The following ZDHHC15 variants were observed in gnomAD, a reference collection of about 807,000 sequenced individuals.
The protein encoded by ZDHHC15 is palmitoyltransferase ZDHHC15.
In ZDHHC15, 19 loss-of-function variants were observed where a neutral mutation model predicts 31.7. That is an observed-to-expected ratio of 0.60 (90% CI 0.42 to 0.88). The LOEUF is 0.88. Ranked by LOEUF, ZDHHC15 falls within the 40% of genes least tolerant of loss-of-function variation. The probability of loss-of-function intolerance (pLI) is 0.00; values close to 1 mark genes in which losing one functional copy is unlikely to be tolerated. For missense variants in ZDHHC15, 209 were observed against 251.2 expected, an observed-to-expected ratio of 0.83 and a Z score of 1.14; for synonymous variants, 103 against 90.0, an observed-to-expected ratio of 1.14 and a Z score of -0.82.
At chrX:75,429,305 A>C in intron 6 of ZDHHC15, 107 bp from the exon 7 acceptor site, 1 of 974,203 alleles carries the variant, frequency 1.0e-6, no homozygotes, top group Non-Finnish European at 1.4e-6. Flanking sequence ...CTGCTTCATT[A>C]TGTGTCGTGT....
intron 1 of ZDHHC15, among the ~76,000 whole-genome samples, chrX:75,516,710 G>A (rs772482503): frequency 2.9e-4 from 33 of 112,287 alleles, no homozygotes; most frequent in Admixed American, 2.0e-3. Flanking sequence ...CAAAAGTAAT[G>A]GCAAGAAAAG....
chrX:75,492,067 T>C (rs746455175), intron 2 of ZDHHC15, among the ~76,000 whole-genome samples: 13 of 110,969 alleles, frequency 1.2e-4, no homozygotes, highest in African/African-American at 3.9e-4. Flanking sequence ...CAGAGACACA[T>C]ATAGGCTCAA....
At chrX:75,435,460 A>G (rs903951831) in intron 4 of ZDHHC15, among the ~76,000 whole-genome samples, 1 of 112,041 alleles carries the variant, frequency 8.9e-6, no homozygotes, top group Admixed American at 9.5e-5. Flanking sequence ...CCCATTCAGT[A>G]TAATTTAGCT....
intron 2 of ZDHHC15, among the ~76,000 whole-genome samples, chrX:75,500,856 C>T (rs1249578783): frequency 1.8e-5 from 2 of 109,903 alleles, no homozygotes; most frequent in African/African-American, 6.6e-5. Flanking sequence ...TACTGTAGCC[C>T]AGACGTTTTA....
chrX:75,473,773 T>TA (rs1042177792), intron 3 of ZDHHC15, among the ~76,000 whole-genome samples: 2 of 111,985 alleles, frequency 1.8e-5, no homozygotes, highest in Non-Finnish European at 3.8e-5. Flanking sequence ...CTTCTTTTCT[T>TA]AAAAACATAT....
intron 1 of ZDHHC15, among the ~76,000 whole-genome samples, chrX:75,511,398 T>A (rs1390360093): frequency 1.8e-5 from 1 of 54,653 alleles, no homozygotes; most frequent in African/African-American, 6.6e-5. Context: ...TCTGTTCATG[T>A]CCTTCGCCCA....
At chrX:75,374,487 A>C (rs998862570) in intron 11 of ZDHHC15, among the ~76,000 whole-genome samples, 2 of 109,209 alleles carry the variant, frequency 1.8e-5, no homozygotes, top group Non-Finnish European at 3.8e-5. Flanking sequence ...TGGTTCATTA[A>C]AAAAAAAATT....
chrX:75,452,790 G>A (rs1319554525), intron 3 of ZDHHC15, among the ~76,000 whole-genome samples: 1 of 110,521 alleles, frequency 9.0e-6, no homozygotes, highest in Non-Finnish European at 1.9e-5. Context: ...ATGACTACTG[G>A]ATAATGAAAT....
At chrX:75,497,772 C>T (rs1298799539) in intron 2 of ZDHHC15, among the ~76,000 whole-genome samples, 8 of 110,836 alleles carry the variant, frequency 7.2e-5, no homozygotes, top group Admixed American at 4.8e-4. Context: ...GATGAAATCC[C>T]GCATCCCTTT....
intron 4 of ZDHHC15, among the ~76,000 whole-genome samples, chrX:75,443,976 T>C (rs1295331549): frequency 2.7e-5 from 3 of 110,080 alleles, no homozygotes; most frequent in Non-Finnish European, 5.7e-5. Flanking sequence ...CAACAGGTGC[T>C]GGAGAGGATG....
chrX:75,451,244 C>CT (rs2084112176), intron 3 of ZDHHC15, among the ~76,000 whole-genome samples: 1 of 111,763 alleles, frequency 8.9e-6, no homozygotes, highest in African/African-American at 3.2e-5. Flanking sequence ...AGACTTGTCC[C>CT]TTTCCATTGA....
At chrX:75,444,800 G>A (rs1477735131) in intron 4 of ZDHHC15, among the ~76,000 whole-genome samples, 3 of 103,690 alleles carry the variant, frequency 2.9e-5, no homozygotes, top group Non-Finnish European at 3.9e-5. Context: ...CTGTATATCC[G>A]TTATAAAAAA....
chrX:75,435,673 G>A (rs2083841751), intron 4 of ZDHHC15, among the ~76,000 whole-genome samples: 1 of 112,185 alleles, frequency 8.9e-6, no homozygotes, highest in Admixed American at 9.4e-5. Flanking sequence ...AACCAACCCT[G>A]AATCCATGGT....
chrX:75,396,235 G>A lies in ZDHHC15; in HGVS notation c.968-17037C>T, dbSNP rs752562725. 4.7e-4 allele frequency among the ~76,000 whole-genome samples: 52 copies of A among 111,465 alleles called. 1 individual carries two copies. Among genetic ancestry groups the A allele is most frequent in the Middle Eastern group, 4.7e-3 (1 of 212 alleles). On this transcript the variant is annotated intron_variant, in intron 10 of 11. Transcript: ENST00000373367. ...AACCACAGAATGGGAGAAAATATTTGCAAATACCCATCTGAGAAGGGATTA... is the reference window on the plus strand; with the variant it reads ...AACCACAGAATGGGAGAAAATATTTACAAATACCCATCTGAGAAGGGATTA...
intron 10 of ZDHHC15, among the ~76,000 whole-genome samples, chrX:75,413,383 G>A (rs2083507460): frequency 1.8e-5 from 2 of 111,500 alleles, no homozygotes; most frequent in Non-Finnish European, 3.8e-5. Flanking sequence ...CAAAGAGTTC[G>A]GCAACTAATT....
At chrX:75,443,017 T>C (rs1218980814) in intron 4 of ZDHHC15, among the ~76,000 whole-genome samples, 1 of 107,462 alleles carries the variant, frequency 9.3e-6, no homozygotes, top group African/African-American at 3.4e-5. Flanking sequence ...AAAATCAATA[T>C]TGAGAAAATG....
intron 10 of ZDHHC15, among the ~76,000 whole-genome samples, chrX:75,407,580 C>T (rs1302085030): frequency 9.2e-6 from 1 of 108,177 alleles, no homozygotes; most frequent in East Asian, 3.1e-4. Flanking sequence ...CCAGCTGCCC[C>T]GTTTGGGAGG....
chrX:75,461,847 T>A (rs1223130085), intron 3 of ZDHHC15, among the ~76,000 whole-genome samples: 1 of 110,788 alleles, frequency 9.0e-6, no homozygotes, highest in Non-Finnish European at 1.9e-5. Context: ...CACAGACCAG[T>A]GACACTATGG....
chrX:75,463,583 C>CAACAAA (rs1569343162), intron 3 of ZDHHC15, among the ~76,000 whole-genome samples: 1 of 109,467 alleles, frequency 9.1e-6, no homozygotes, highest in Non-Finnish European at 1.9e-5. Flanking sequence ...TTTACAACAA[C>CAACAAA]AACAACAACA....
Sources: gnomAD v4.1 joint callset for allele counts (sites outside exome capture counted in the v4.1 genomes callset) on GRCh38, gnomAD v4.1.1 for gene constraint, MANE v1.5 for transcripts, NCBI Gene and HGNC (gene_info 2026-07-23, HGNC 2026-07-21) for gene names.